Variants in CENPI observed in about 807,000 individuals in gnomAD.
CENPI encodes the protein centromere protein I.
A neutral mutation model predicts 60.4 loss-of-function variants in CENPI; 4 were observed. The observed-to-expected ratio is 0.07, with a 90% CI of 0.03 to 0.15. CENPI has a LOEUF of 0.15. CENPI is among the 10% of genes least tolerant of loss of function. The pLI is 1.00. For missense variants in CENPI, 444 were observed against 534.5 expected (o/e 0.83, Z 1.67); for synonymous variants, 157 against 189.4 (o/e 0.83, Z 1.40).
chrX:101,102,201 A>G, intron 3 of CENPI, 73 bp from the exon 4 acceptor site: 1 of 848,620 alleles, frequency 1.2e-6, no homozygotes, highest in Non-Finnish European at 1.6e-6. Context: ...AAGAGTTCCA[A>G]ATTCTTATTA....
rs1161532841 is a variant in CENPI, at chrX:101,164,832, G to A, written c.*1865G>A. 2.7e-5 allele frequency among the ~76,000 whole-genome samples: 3 copies of A among 112,291 alleles called. No homozygotes were observed. Among genetic ancestry groups the A allele is most frequent in the Non-Finnish European group, 5.6e-5 (3 of 53,314 alleles). On this transcript the variant is annotated 3_prime_UTR_variant, in exon 22 of 22. Transcript: ENST00000682095. ...TGATATATCACATTTACTGATTTGTGTATACTGAATCATCTTTGCATCCCG... is the reference window on the plus strand; with the variant it reads ...TGATATATCACATTTACTGATTTGTATATACTGAATCATCTTTGCATCCCG...
chrX:101,140,611 A>C lies in CENPI; in HGVS notation c.1471-55A>C. 3.4e-6 allele frequency: 3 copies of C among 884,209 alleles called. No homozygotes were observed. In the East Asian group the frequency reaches 9.4e-5, roughly 28 times the overall value. 72.9% of individuals were successfully genotyped at this position (884,209 alleles called of 1,213,427 possible). On this transcript the variant is annotated intron_variant, in intron 15 of 21. Coordinates refer to ENST00000682095, the MANE Select transcript of CENPI (RefSeq NM_001386188.2). ...ATCTCTAAGCCTCTGTTAGTTCTGA[A>C]CACTGTTATGTCTGAATGATTTCAT...
intron 13 of CENPI, 83 bp downstream of exon 13, chrX:101,130,156 C>T (rs894657640): frequency 7.3e-5 from 51 of 697,955 alleles, no homozygotes; most frequent in Admixed American, 1.8e-4. Context: ...TTTTCTTGCC[C>T]GGCTGCGGTG....
intron 15 of CENPI, among the ~76,000 whole-genome samples, chrX:101,136,961 G>A (rs1156473280): frequency 1.8e-5 from 2 of 111,016 alleles, no homozygotes; most frequent in Non-Finnish European, 1.9e-5. Flanking sequence ...TGCCCAGGCT[G>A]GAGCGCAGTG....
intron 6 of CENPI, among the ~76,000 whole-genome samples, chrX:101,114,457 A>G (rs112030993): frequency 6.1e-4 from 68 of 111,564 alleles, no homozygotes; most frequent in Non-Finnish European, 1.1e-3. Flanking sequence ...ACCCTTTGCT[A>G]TCACTCCCAT....
At chrX:101,181,679 G>T in the CENPI span, among the ~76,000 whole-genome samples, 32 of 111,936 alleles carry the variant, frequency 2.9e-4, no homozygotes, top group Non-Finnish European at 5.8e-4. Flanking sequence ...AATAGTTTTT[G>T]AGTGGATTTA....
chrX:101,112,271 G>A (rs953090396), intron 6 of CENPI, among the ~76,000 whole-genome samples: 1 of 111,924 alleles, frequency 8.9e-6, no homozygotes, highest in Non-Finnish European at 1.9e-5. Context: ...ATTGGTGATG[G>A]TATTAATGTT....
chrX:101,172,562 A>G, the CENPI span, among the ~76,000 whole-genome samples: 1 of 111,988 alleles, frequency 8.9e-6, no homozygotes, highest in Non-Finnish European at 1.9e-5. Context: ...TTCTATTTAC[A>G]TGAAAATGTC....
chrX:101,163,770 T>C lies in CENPI; in HGVS notation c.*803T>C, dbSNP rs2090130432. On this transcript the variant is annotated 3_prime_UTR_variant, in exon 22 of 22. Transcript: ENST00000682095. ...AATTTTGCCTGCTGGGCGTGGTGGC[T>C]CACGCCTGTAATCCCAGCACTTTGG... The C allele has an allele frequency of 8.9e-6, 1 of 112,548 alleles. No homozygotes were observed. The allele number at this position is 112,548 out of a possible 1,213,427, so 9.3% of individuals were successfully genotyped here.
At chrX:101,167,130 G>A (rs139737957), downstream of CENPI, among the ~76,000 whole-genome samples, 2,428 of 112,440 alleles carry the variant, frequency 0.022, 57 homozygotes, top group African/African-American at 0.074. Context: ...TAAGGCTATG[G>A]TGTCACACAT....
Position 101,146,149 on chromosome X carries a change from C to G in CENPI, c.1702-4C>G. 8.3e-7 allele frequency: 1 copy of G among 1,197,805 alleles called. No individual in the cohort carries two copies. The highest frequency in any genetic ancestry group is 1.8e-5 in the South Asian group (1 of 55,658). On this transcript the variant is annotated splice_region_variant and splice_polypyrimidine_tract_variant and intron_variant, in intron 17 of 21. Coordinates refer to ENST00000682095, the MANE Select transcript of CENPI (RefSeq NM_001386188.2). ...TATACTGATGTTATCATTCTTCCTC[C>G]AAGGTGTGTGACATATATATAAATT...
In CENPI at chrX:101,164,639, C is replaced by A. The variant is rs2090136451; in HGVS notation, c.*1672C>A. On this transcript the variant is annotated 3_prime_UTR_variant, in exon 22 of 22. Transcript: ENST00000682095. ...GAGCCATTGCACCCAGCCCAAAGTACCTGTTTTTATGGAGTTTACATTCCA... is the reference window on the plus strand; with the variant it reads ...GAGCCATTGCACCCAGCCCAAAGTAACTGTTTTTATGGAGTTTACATTCCA... Among the ~76,000 whole-genome samples, 3 of 111,885 alleles carry A rather than the reference C, an allele frequency of 2.7e-5. No homozygotes were observed. The Admixed American group carries it at 2.9e-4, about 11-fold the overall frequency.
downstream of CENPI, among the ~76,000 whole-genome samples, chrX:101,166,538 A>G (rs1002730380): frequency 1.8e-5 from 2 of 112,821 alleles, no homozygotes; most frequent in African/African-American, 6.4e-5. Context: ...TTTTTTGAAG[A>G]TTCTTCATGG....
chrX:101,155,096 CA>C (rs1034816239), intron 20 of CENPI, among the ~76,000 whole-genome samples: 89 of 108,228 alleles, frequency 8.2e-4, no homozygotes, highest in Non-Finnish European at 1.4e-3. Flanking sequence ...GGTACTATGT[CA>C]AAAAAAAATG....
At chrX:101,108,949 T>C (rs774179369) in intron 4 of CENPI, among the ~76,000 whole-genome samples, 4 of 111,341 alleles carry the variant, frequency 3.6e-5, no homozygotes, top group Non-Finnish European at 5.6e-5. Flanking sequence ...GCCTAACTAT[T>C]GCCTTATTGT....
At chrX:101,130,538 T>C (rs1301769051) in intron 13 of CENPI, among the ~76,000 whole-genome samples, 1 of 112,376 alleles carries the variant, frequency 8.9e-6, no homozygotes, top group Non-Finnish European at 1.9e-5. Flanking sequence ...AGTTTTATCT[T>C]TGCACTGTTA....
chrX:101,172,660 C>T, the CENPI span, among the ~76,000 whole-genome samples: 1 of 111,232 alleles, frequency 9.0e-6, no homozygotes, highest in Non-Finnish European at 1.9e-5. Context: ...TGACTCTTAA[C>T]GGATAAGAGA....
At chrX:101,106,725 T>A (rs2089487985) in intron 4 of CENPI, among the ~76,000 whole-genome samples, 2 of 110,840 alleles carry the variant, frequency 1.8e-5, no homozygotes, top group African/African-American at 6.6e-5. Flanking sequence ...GTGGAAAGAT[T>A]GGACTAGTGT....
At position 101,127,227 on chromosome X, in the gene CENPI, G is replaced by A. The variant is rs2089745813; in HGVS notation, c.867G>A (p.Lys289=). ...RNRGPSPEPL[K]LMLGPANVRP... ...GGGGACCTTCTCCAGAACCTCTGAA[G>A]TTGATGTTAGGTCCAGCTAATGTTC... Residue 289 remains lysine, a synonymous_variant, in exon 10 of 22, where the codon AAG becomes AAA. Coordinates refer to ENST00000682095, the MANE Select transcript of CENPI (RefSeq NM_001386188.2). The A allele has an allele frequency of 3.3e-6, 4 of 1,195,661 alleles. No homozygotes were observed. In the African/African-American group the frequency reaches 7.0e-5, roughly 21 times the overall value.
Sources: allele counts gnomAD v4.1 joint callset (sites outside exome capture counted in the v4.1 genomes callset), GRCh38; gene constraint gnomAD v4.1.1; transcripts MANE v1.5; gene names NCBI Gene and HGNC (gene_info 2026-07-23, HGNC 2026-07-21).